The following WDR77 variants were observed in gnomAD, a reference collection of about 807,000 sequenced individuals.
The protein encoded by WDR77 is WD repeat domain 77.
Under a neutral mutation model 44.0 loss-of-function variants are expected in WDR77, and 31 were observed. That is an observed-to-expected ratio of 0.70 (90% CI 0.53 to 0.95). The LOEUF is 0.95. Among genes scored for constraint, WDR77 ranks in the 40% least tolerant of loss-of-function variants. The pLI is 0.00. For synonymous variants in WDR77, 186 were observed against 165.7 expected, an observed-to-expected ratio of 1.12 and a Z score of -0.94; for missense variants, 390 against 423.9, an observed-to-expected ratio of 0.92 and a Z score of 0.70.
intron 6 of WDR77, 93 bp downstream of exon 6, chr1:111,443,774 G>T: frequency 6.3e-7 from 1 of 1,591,772 alleles, no homozygotes; most frequent in Non-Finnish European, 8.6e-7. Flanking sequence ...ACTACACTGG[G>T]CATCTAGCAA....
chr1:111,443,256 A>G, intron 7 of WDR77, 67 bp downstream of exon 7: 1 of 1,453,626 alleles, frequency 6.9e-7, no homozygotes, highest in Non-Finnish European at 9.4e-7. Flanking sequence ...TGTGTTGTGG[A>G]GTCAGCTCTT....
At position 111,448,707 on chromosome 1, in the gene WDR77, G is replaced by A. The variant is rs377717184; in HGVS notation, c.213C>T (p.Gly71=). The A allele has an allele frequency of 6.2e-7, 1 of 1,614,244 alleles. No individual in the cohort carries two copies. The change falls in exon 2 of 10, where the codon GGC becomes GGT. Residue 71 remains glycine, a synonymous_variant. Transcript: ENST00000235090. ...CCGTTTGGACTCCGGCGGAGCAGAA[G>A]CCTTCGTTGGGGGCGGCACAGGGGT... is the stretch of plus-strand genomic sequence containing the variant. The part of the protein sequence containing the change: ...FKDPCAAPNE[G]FCSAGVQTEA...
intron 3 of WDR77, 48 bp downstream of exon 3, chr1:111,447,387 G>T: frequency 6.2e-7 from 1 of 1,610,642 alleles, no homozygotes; most frequent in Non-Finnish European, 8.5e-7. Context: ...GATAGGAAAG[G>T]CACCCACAGG....
Position 111,442,768 on chromosome 1 carries a change from A to C in WDR77, c.692-7T>G. ...ACTGTCCCATTCTCATCACCTGTAG[A>C]AGAGAAGGAACATGTCATAGTGATT... is the stretch of plus-strand genomic sequence containing the variant. On this transcript the variant is annotated splice_region_variant and splice_polypyrimidine_tract_variant and intron_variant, in intron 7 of 9. Transcript: ENST00000235090. The C allele has an allele frequency of 6.4e-7, 1 of 1,556,650 alleles. No individual in the cohort carries two copies. The highest frequency in any genetic ancestry group is 8.7e-7 in the Non-Finnish European group (1 of 1,144,024).
chr1:111,448,820 G>C lies in WDR77; in HGVS notation c.116-16C>G, dbSNP rs1227562254. 6.4e-7 allele frequency: 1 copy of C among 1,561,010 alleles called. No individual in the cohort carries two copies. The highest frequency in any genetic ancestry group is 8.7e-7 in the Non-Finnish European group (1 of 1,151,966). On this transcript the variant is annotated splice_polypyrimidine_tract_variant and intron_variant, in intron 1 of 9. Coordinates refer to ENST00000235090, the MANE Select transcript of WDR77 (RefSeq NM_024102.4). Reference sequence around the variant, plus strand: ...AGCGCCCCATCTACGGGGGGTACAAGCTGTCAGCGCGTGAAGGGTAGAAGG... The same window carrying C: ...AGCGCCCCATCTACGGGGGGTACAACCTGTCAGCGCGTGAAGGGTAGAAGG...
intron 3 of WDR77, 57 bp from the exon 4 acceptor site, chr1:111,447,201 C>T (rs146847405): frequency 1.9e-6 from 3 of 1,598,808 alleles, no homozygotes; most frequent in East Asian, 2.2e-5. Flanking sequence ...AACATAAAAA[C>T]GTGTTCAAAC....
At chr1:111,448,558 C>T (rs2101749631) in intron 2 of WDR77, 61 bp downstream of exon 2, 2 of 1,602,540 alleles carry the variant, frequency 1.2e-6, no homozygotes, top group Non-Finnish European at 1.7e-6. Flanking sequence ...CTACGGTACC[C>T]CAAGTCTCCA....
chr1:111,443,016 T>C (rs1287176164), intron 7 of WDR77, among the ~76,000 whole-genome samples: 1 of 152,352 alleles, frequency 6.6e-6, no homozygotes, highest in Non-Finnish European at 1.5e-5. Flanking sequence ...CTACCCACAG[T>C]AGGACAGAAT....
chr1:111,449,016 CG>C (rs1342311303), intron 1 of WDR77, 38 bp downstream of exon 1: 1 of 1,551,486 alleles, frequency 6.4e-7, no homozygotes, highest in Non-Finnish European at 8.7e-7. Context: ...CGCCCTGGGC[CG>C]GGGTAAGGGA....
rs1407992396 is a variant in WDR77 at position 111,440,951 on chromosome 1, G to A, written c.*279C>T. On this transcript the variant is annotated 3_prime_UTR_variant, in exon 10 of 10. Transcript: ENST00000235090. Reference sequence around the variant, plus strand: ...GAGAGAGGCAGTGCTTAGGGAAGATGTAGGATGGATTTTTTTTATTCCTGC... The same window carrying A: ...GAGAGAGGCAGTGCTTAGGGAAGATATAGGATGGATTTTTTTTATTCCTGC... 3.1e-5 allele frequency: 7 copies of A among 226,288 alleles called. No homozygotes were observed. The highest frequency in any genetic ancestry group is 5.1e-5 in the Non-Finnish European group (6 of 117,636). The allele number at this position is 226,288 out of a possible 1,614,324, so 14.0% of individuals were successfully genotyped here. A position where few individuals can be genotyped will look rare whatever the true frequency, so the allele number is the denominator to read the frequency against.
intron 4 of WDR77, among the ~76,000 whole-genome samples, chr1:111,445,676 G>T (rs1377556407): frequency 1.3e-5 from 2 of 152,214 alleles, no homozygotes; most frequent in African/African-American, 4.8e-5. Context: ...CAAAAAGGCT[G>T]CATGGCAGAA....
chr1:111,443,483 C>A, intron 6 of WDR77, 89 bp from the exon 7 acceptor site: 1 of 1,389,144 alleles, frequency 7.2e-7, no homozygotes, highest in Non-Finnish European at 9.9e-7. Flanking sequence ...CCTGGGAGCA[C>A]CTTTATTTGA....
At chr1:111,441,637 A>T in intron 9 of WDR77, 1 of 1,259,132 alleles carries the variant, frequency 7.9e-7, no homozygotes, top group Non-Finnish European at 1.0e-6. Context: ...GAGGGGCAGT[A>T]ACAGGCAGCA....
At chr1:111,449,034 A>C (rs1273188339) in intron 1 of WDR77, 21 bp downstream of exon 1, 2 of 1,564,436 alleles carry the variant, frequency 1.3e-6, no homozygotes, top group Non-Finnish European at 8.6e-7. Flanking sequence ...GGGAGCTCCC[A>C]GGCCCGGGAT....
At chr1:111,442,253 A>C (rs1336966956) in intron 8 of WDR77, 160 bp from the exon 9 acceptor site, 3 of 668,042 alleles carry the variant, frequency 4.5e-6, no homozygotes, top group African/African-American at 3.6e-5. Flanking sequence ...TAAAAGTTTC[A>C]AGTAAAGATG....
At chr1:111,448,214 G>A (rs1232680828) in intron 2 of WDR77, among the ~76,000 whole-genome samples, 1 of 151,242 alleles carries the variant, frequency 6.6e-6, no homozygotes, top group African/African-American at 2.4e-5. Context: ...AGCCTGCATC[G>A]CTAAGCCTAA....
chr1:111,442,161 G>A (rs769208548), intron 8 of WDR77, 68 bp from the exon 9 acceptor site: 20 of 1,491,312 alleles, frequency 1.3e-5, no homozygotes, highest in South Asian at 9.1e-5. Flanking sequence ...TAACTGGGCC[G>A]GCCCTGCCGC....
Position 111,441,075 on chromosome 1 carries a change from C to G in WDR77, c.*155G>C. On this transcript the variant is annotated 3_prime_UTR_variant, in exon 10 of 10. Coordinates refer to ENST00000235090, the MANE Select transcript of WDR77 (RefSeq NM_024102.4). ...CCCTGTGACTACAGGAACCCAGAATCCAGCCTCCCTCAGGCTGAGAGACGA... is the reference window on the plus strand; with the variant it reads ...CCCTGTGACTACAGGAACCCAGAATGCAGCCTCCCTCAGGCTGAGAGACGA... 1 of 799,482 alleles carries G rather than the reference C, an allele frequency of 1.3e-6. No individual in the cohort carries two copies. Among genetic ancestry groups the G allele is most frequent in the Non-Finnish European group, 1.7e-6 (1 of 579,392 alleles). 49.5% of individuals were successfully genotyped at this position (799,482 alleles called of 1,614,324 possible). A position where few individuals can be genotyped will look rare whatever the true frequency, so the allele number is the denominator to read the frequency against.
intron 8 of WDR77, 121 bp from the exon 9 acceptor site, chr1:111,442,214 T>C (rs2101740969): frequency 1.2e-6 from 1 of 837,014 alleles, no homozygotes; most frequent in Non-Finnish European, 2.0e-6. Flanking sequence ...TTCCCACTTT[T>C]GGCTAATCTG....
Sources: gnomAD v4.1 joint callset for allele counts (sites outside exome capture counted in the v4.1 genomes callset) on GRCh38, gnomAD v4.1.1 for gene constraint, MANE v1.5 for transcripts, NCBI Gene and HGNC (gene_info 2026-07-23, HGNC 2026-07-21) for gene names.